The following SLC2A9 variants were observed in gnomAD, a reference collection of about 807,000 sequenced individuals.
SLC2A9 encodes solute carrier family 2, facilitated glucose transporter member 9.
SLC2A9 carries 39 observed loss-of-function variants against 50.6 expected under a neutral mutation model. The observed-to-expected ratio is 0.77, with a 90% CI of 0.60 to 1.01. The LOEUF (loss-of-function observed/expected upper bound fraction) is 1.01, where lower values mean the gene tolerates loss of function less well. SLC2A9 is among the 50% of genes least tolerant of loss of function. The pLI is 0.00. For missense variants in SLC2A9, 686 were observed against 677.6 expected (o/e 1.01, Z -0.14); for synonymous variants, 324 against 276.9 (o/e 1.17, Z -1.69).
chr4:9,881,876 G>A (rs1053974732), intron 10 of SLC2A9, among the ~76,000 whole-genome samples: 4 of 152,206 alleles, frequency 2.6e-5, no homozygotes. Flanking sequence ...GCCCCTGGAA[G>A]GTTTCCTCAT....
chr4:9,906,823 A>C (rs543952272), intron 8 of SLC2A9, among the ~76,000 whole-genome samples: 19 of 152,380 alleles, frequency 1.2e-4, no homozygotes, highest in African/African-American at 4.1e-4. Flanking sequence ...GGTGCAGTCT[A>C]TAACTTGAGA....
intron 10 of SLC2A9, among the ~76,000 whole-genome samples, chr4:9,846,417 T>C (rs1037391791): frequency 6.6e-6 from 1 of 152,036 alleles, no homozygotes; most frequent in Non-Finnish European, 1.5e-5. Context: ...ATGTGCTTCC[T>C]AGGTAGGGAG....
At chr4:9,929,284 T>C (rs1745463231) in intron 6 of SLC2A9, among the ~76,000 whole-genome samples, 2 of 152,174 alleles carry the variant, frequency 1.3e-5, no homozygotes, top group Admixed American at 6.5e-5. Flanking sequence ...CTGAGACACA[T>C]GCTGGGTGTG....
At chr4:10,022,112 T>G (rs1219259674), upstream of SLC2A9, among the ~76,000 whole-genome samples, 1 of 152,198 alleles carries the variant, frequency 6.6e-6, no homozygotes, top group Non-Finnish European at 1.5e-5. Context: ...GTGCTGGAAT[T>G]AGAGGCGTAA....
intron 10 of SLC2A9, among the ~76,000 whole-genome samples, chr4:9,865,155 T>C (rs1365334810): frequency 1.3e-5 from 2 of 152,206 alleles, no homozygotes; most frequent in African/African-American, 4.8e-5. Context: ...CCAGGAGTGA[T>C]TTTGCCCCCA....
chr4:10,014,834 T>C (rs545749522), intron 2 of SLC2A9, among the ~76,000 whole-genome samples: 1 of 152,088 alleles, frequency 6.6e-6, no homozygotes, highest in African/African-American at 2.4e-5. Context: ...CACTGAAGGA[T>C]TGCCTGAACA....
At chr4:10,037,987 G>A (rs1458451403) in intron 1 of SLC2A9, among the ~76,000 whole-genome samples, 1 of 151,872 alleles carries the variant, frequency 6.6e-6, no homozygotes, top group Admixed American at 6.6e-5. Flanking sequence ...AATAAAGGCA[G>A]GACCCACGGT....
chr4:10,000,164 T>C (rs1759517996), intron 2 of SLC2A9, among the ~76,000 whole-genome samples: 1 of 152,188 alleles, frequency 6.6e-6, no homozygotes, highest in African/African-American at 2.4e-5. Flanking sequence ...GGATAGAATA[T>C]ATTATCAATA....
At chr4:9,773,837 C>G (rs1315006364) in intron 1 of SLC2A9, among the ~76,000 whole-genome samples, 2 of 152,152 alleles carry the variant, frequency 1.3e-5, no homozygotes, top group Non-Finnish European at 2.9e-5. Flanking sequence ...TTACTCAAAA[C>G]CACCATCCCC....
chr4:10,011,626 C>T (rs952191031), intron 2 of SLC2A9, among the ~76,000 whole-genome samples: 7 of 152,140 alleles, frequency 4.6e-5, no homozygotes, highest in Non-Finnish European at 1.0e-4. Context: ...TGCAAATTAG[C>T]CCTAAATTTG....
At chr4:9,832,700 T>A (rs1726374235) in intron 11 of SLC2A9, among the ~76,000 whole-genome samples, 1 of 152,060 alleles carries the variant, frequency 6.6e-6, no homozygotes, top group South Asian at 2.1e-4. Flanking sequence ...ATACAAAAAA[T>A]TATCTAGGTT....
intron 3 of SLC2A9, among the ~76,000 whole-genome samples, chr4:9,991,121 GC>G (rs1757642570): frequency 6.6e-6 from 1 of 152,182 alleles, no homozygotes; most frequent in Admixed American, 6.5e-5. Flanking sequence ...GTGTGATTAT[GC>G]CCCAGAGCTC....
intron 2 of SLC2A9, among the ~76,000 whole-genome samples, chr4:10,002,130 G>A (rs921278823): frequency 6.6e-6 from 1 of 152,206 alleles, no homozygotes; most frequent in African/African-American, 2.4e-5. Context: ...AATGGCAGTG[G>A]TGGCTGCAGC....
chr4:9,964,430 C>T (rs1198985045), intron 5 of SLC2A9, among the ~76,000 whole-genome samples: 2 of 152,152 alleles, frequency 1.3e-5, no homozygotes, highest in Non-Finnish European at 2.9e-5. Flanking sequence ...TCTCCTATTT[C>T]CCTTCAAAGG....
chr4:9,786,681 G>C (rs1358391282), intron 3 of SLC2A9, among the ~76,000 whole-genome samples: 2 of 152,108 alleles, frequency 1.3e-5, no homozygotes, highest in Non-Finnish European at 2.9e-5. Flanking sequence ...GAGGACATGG[G>C]GGCACAGAGG....
chr4:10,031,289 G>A (rs1763934352), intron 1 of SLC2A9, among the ~76,000 whole-genome samples: 1 of 152,204 alleles, frequency 6.6e-6, no homozygotes, highest in Non-Finnish European at 1.5e-5. Flanking sequence ...GCACTGTAAT[G>A]ATCAGAGTTT....
chr4:9,933,675 G>C (rs1746548977), intron 6 of SLC2A9, among the ~76,000 whole-genome samples: 1 of 152,212 alleles, frequency 6.6e-6, no homozygotes, highest in South Asian at 2.1e-4. Flanking sequence ...TGCTGCTACA[G>C]CAAATTACAA....
chr4:9,834,951 G>A lies in SLC2A9; in HGVS notation c.1349C>T (p.Ala450Val). 6.2e-7 allele frequency: 1 copy of A among 1,614,060 alleles called. No individual in the cohort carries two copies. Among genetic ancestry groups the A allele is most frequent in the Non-Finnish European group, 8.5e-7 (1 of 1,180,012 alleles). ...GTTGACGGTGCCTGCAATGATGAAG[G>A]CAGCCGGCCGCTGAGATTGCTGGAA... ...EFFQQSQRPA[A>V]FIIAGTVNWL... Residue 450 changes from alanine to valine, a missense_variant, in exon 11 of 12, where the codon GCC becomes GTC. Transcript: ENST00000264784.
rs574196841 is a variant in SLC2A9, at chr4:10,037,317, T to C, written c.-41+2813A>G. 2.6e-5 allele frequency among the ~76,000 whole-genome samples: 4 copies of C among 152,284 alleles called. No individual in the cohort carries two copies. The East Asian group carries it at 5.8e-4, about 22-fold the overall frequency. ...GCCTTTTCGGAACATTTCATAAAAA[T>C]GGGATCATACGGTACGGTATATGAC... On this transcript the variant is annotated intron_variant, in intron 1 of 12. Coordinates refer to the SLC2A9 transcript ENST00000309065.
Sources: allele counts gnomAD v4.1 joint callset (sites outside exome capture counted in the v4.1 genomes callset), GRCh38; gene constraint gnomAD v4.1.1; transcripts MANE v1.5; gene names NCBI Gene and HGNC (gene_info 2026-07-23, HGNC 2026-07-21).